KAZN: variants seen among roughly 807,000 people sequenced by gnomAD.
The protein encoded by KAZN is kazrin.
In KAZN, 40 loss-of-function variants were observed where a neutral mutation model predicts 87.4. That is an observed-to-expected ratio of 0.46 (90% CI 0.36 to 0.60). The LOEUF is 0.60. KAZN is among the 20% of genes least tolerant of loss of function. The pLI is 0.00. For missense variants in KAZN, 898 were observed against 1,073.9 expected (o/e 0.84, Z 2.29); for synonymous variants, 466 against 458.3 (o/e 1.02, Z -0.22).
At chr1:14,843,443 A>G (rs1648274082) in intron 1 of KAZN, among the ~76,000 whole-genome samples, 2 of 152,172 alleles carry the variant, frequency 1.3e-5, no homozygotes, top group African/African-American at 4.8e-5. Context: ...GGCAGAGAGA[A>G]GGGCACAGGA....
chr1:14,303,109 C>T (rs1416624), intron 2 of KAZN, among the ~76,000 whole-genome samples: 71,592 of 151,950 alleles, frequency 0.47, 17,207 homozygotes, highest in Admixed American at 0.59. Context: ...CTGCTTGGTG[C>T]TTTTAATGAT....
intron 1 of KAZN, among the ~76,000 whole-genome samples, chr1:13,923,052 G>A (rs1640123679): frequency 6.6e-6 from 1 of 151,838 alleles, no homozygotes; most frequent in East Asian, 1.9e-4. Context: ...TTGACCTGGA[G>A]CAACCTGGGG....
chr1:14,638,359 A>G (rs1166604530), intron 1 of KAZN, among the ~76,000 whole-genome samples: 2 of 152,120 alleles, frequency 1.3e-5, no homozygotes, highest in Non-Finnish European at 2.9e-5. Context: ...ACCTGAGGTC[A>G]GAAGCTTGAG....
chr1:13,991,897 C>T (rs769486351), intron 1 of KAZN, among the ~76,000 whole-genome samples: 4 of 152,160 alleles, frequency 2.6e-5, no homozygotes, highest in Non-Finnish European at 5.9e-5. Flanking sequence ...GTACCTCATT[C>T]CCAACCCTCC....
At chr1:14,249,625 A>T (rs540711735) in intron 2 of KAZN, among the ~76,000 whole-genome samples, 2 of 152,320 alleles carry the variant, frequency 1.3e-5, no homozygotes, top group South Asian at 4.1e-4. Flanking sequence ...ACTGAGCCCC[A>T]GAAGAAAGGG....
At chr1:14,023,030 A>G (rs1194173288) in intron 1 of KAZN, among the ~76,000 whole-genome samples, 1 of 152,166 alleles carries the variant, frequency 6.6e-6, no homozygotes, top group Non-Finnish European at 1.5e-5. Context: ...AACAGTACTC[A>G]TTGGCTGGGT....
At chr1:14,407,414 C>T (rs1417260557) in intron 2 of KAZN, among the ~76,000 whole-genome samples, 1 of 152,156 alleles carries the variant, frequency 6.6e-6, no homozygotes, top group Non-Finnish European at 1.5e-5. Context: ...GACTATCCAA[C>T]AGGCAAAAGA....
At chr1:14,186,085 A>G (rs143199291) in intron 2 of KAZN, among the ~76,000 whole-genome samples, 1,905 of 152,284 alleles carry the variant, frequency 0.013, 34 homozygotes, top group Admixed American at 0.032. Flanking sequence ...ATAGATCTGT[A>G]TAGTGCCAAA....
intron 1 of KAZN, among the ~76,000 whole-genome samples, chr1:14,879,915 G>A (rs1192963229): frequency 6.6e-6 from 1 of 152,124 alleles, no homozygotes; most frequent in East Asian, 1.9e-4. Flanking sequence ...TCATAAGGGG[G>A]CTATGACCAA....
At chr1:14,777,823 G>A (rs1384615549) in intron 1 of KAZN, among the ~76,000 whole-genome samples, 1 of 152,162 alleles carries the variant, frequency 6.6e-6, no homozygotes, top group Non-Finnish European at 1.5e-5. Flanking sequence ...TCAGAACTGA[G>A]GGTTCCTCCC....
rs545324055 is a variant in KAZN, at chr1:14,753,094, A to G, written c.226+153871A>G. On this transcript the variant is annotated intron_variant, in intron 1 of 14. Transcript: ENST00000376030. ...CTCAGGGGTCAGCAAATCGTGGTTGAGGTCAATTGCCGACTGTTTACTGAG... is the reference window on the plus strand; with the variant it reads ...CTCAGGGGTCAGCAAATCGTGGTTGGGGTCAATTGCCGACTGTTTACTGAG... Among the ~76,000 whole-genome samples the G allele has an allele frequency of 2.0e-5, 3 of 152,320 alleles. 1 individual carries two copies. The South Asian group carries it at 6.2e-4, about 32-fold the overall frequency.
At chr1:14,374,090 T>G (rs528856383) in intron 2 of KAZN, among the ~76,000 whole-genome samples, 1 of 152,194 alleles carries the variant, frequency 6.6e-6, no homozygotes, top group Non-Finnish European at 1.5e-5. Context: ...TCCTGCAACT[T>G]TGCTACCAGG....
intron 2 of KAZN, among the ~76,000 whole-genome samples, chr1:14,515,930 T>C (rs1671275374): frequency 6.6e-6 from 1 of 152,138 alleles, no homozygotes; most frequent in African/African-American, 2.4e-5. Context: ...TCACGTAAGC[T>C]CCATGAGACC....
chr1:14,020,404 C>T (rs1436412487), intron 1 of KAZN, among the ~76,000 whole-genome samples: 3 of 152,058 alleles, frequency 2.0e-5, no homozygotes, highest in African/African-American at 7.2e-5. Context: ...TCTCTTTTTT[C>T]CCCATTTCAC....
intron 8 of KAZN, among the ~76,000 whole-genome samples, chr1:15,092,101 A>T (rs1193221395): frequency 4.1e-5 from 3 of 72,802 alleles, no homozygotes; most frequent in Admixed American, 4.2e-4. Context: ...TTGGAGACGG[A>T]GTTTCACTCT....
intron 1 of KAZN, among the ~76,000 whole-genome samples, chr1:14,011,881 G>A (rs907560298): frequency 4.6e-5 from 7 of 152,146 alleles, no homozygotes; most frequent in South Asian, 4.2e-4. Flanking sequence ...ATGTTCTCAC[G>A]ATTACCTTGA....
At chr1:15,025,699 TG>T (rs1398687781) in intron 2 of KAZN, among the ~76,000 whole-genome samples, 2 of 152,196 alleles carry the variant, frequency 1.3e-5, no homozygotes, top group East Asian at 3.9e-4. Flanking sequence ...AGAGAGTCTA[TG>T]GGTCATCTGG....
Position 15,047,049 on chromosome 1 carries a change from C to T in KAZN, c.726+2890C>T, listed in dbSNP as rs567773483. Among the ~76,000 whole-genome samples the T allele has an allele frequency of 2.6e-5, 4 of 152,340 alleles. No individual in the cohort carries two copies. In the South Asian group the frequency reaches 8.3e-4, roughly 32 times the overall value. On this transcript the variant is annotated intron_variant, in intron 4 of 14. Coordinates refer to ENST00000376030, the MANE Select transcript of KAZN (RefSeq NM_201628.3). The stretch of plus-strand genomic sequence containing the variant: ...CCTGTTTCCGCTCTGGCCAAGAAAA[C>T]TCAGCTTCTGGCCTCCTTCTGGCAG...
chr1:14,616,472 G>GA (rs530449852), intron 1 of KAZN, among the ~76,000 whole-genome samples: 3,969 of 136,486 alleles, frequency 0.029, 110 homozygotes, highest in South Asian at 0.11. Flanking sequence ...GGGTGATTTA[G>GA]AAAAAAAAAA....
Sources: allele counts gnomAD v4.1 joint callset (sites outside exome capture counted in the v4.1 genomes callset), GRCh38; gene constraint gnomAD v4.1.1; transcripts MANE v1.5; gene names NCBI Gene and HGNC (gene_info 2026-07-23, HGNC 2026-07-21).